NAALADL2: variants seen among roughly 807,000 people sequenced by gnomAD.
The protein encoded by NAALADL2 is inactive N-acetylated-alpha-linked acidic dipeptidase-like protein 2.
A neutral mutation model predicts 87.2 loss-of-function variants in NAALADL2; 76 were observed. The ratio of observed to expected loss-of-function variants is 0.87; its 90% CI spans 0.72 to 1.05. The LOEUF (loss-of-function observed/expected upper bound fraction) is 1.05, where lower values mean the gene tolerates loss of function less well. Ranked by LOEUF, NAALADL2 falls within the 50% of genes least tolerant of loss-of-function variation. NAALADL2 has a pLI of 0.00. For missense variants in NAALADL2, 1,089 were observed against 945.8 expected (o/e 1.15, Z -1.99); for synonymous variants, 354 against 331.0 (o/e 1.07, Z -0.75).
intron 1 of NAALADL2, among the ~76,000 whole-genome samples, chr3:174,511,888 T>A (rs1410235591): frequency 6.6e-6 from 1 of 152,102 alleles, no homozygotes; most frequent in African/African-American, 2.4e-5. Context: ...CACCGAATAA[T>A]GTTATTTCAC....
chr3:174,485,163 A>C (rs1160210080), intron 1 of NAALADL2, among the ~76,000 whole-genome samples: 1 of 152,070 alleles, frequency 6.6e-6, no homozygotes, highest in African/African-American at 2.4e-5. Flanking sequence ...ATAATAAAAA[A>C]TAATATAAAC....
chr3:174,627,189 T>C (rs538903315), intron 2 of NAALADL2, among the ~76,000 whole-genome samples: 38 of 152,286 alleles, frequency 2.5e-4, no homozygotes, highest in South Asian at 1.9e-3. Context: ...GAATAAATTA[T>C]TTCAAGAAAG....
At chr3:175,011,660 T>C (rs551089285) in intron 1 of NAALADL2, among the ~76,000 whole-genome samples, 3 of 152,110 alleles carry the variant, frequency 2.0e-5, no homozygotes, top group African/African-American at 7.2e-5. Context: ...CTTTTTGAGG[T>C]CTGAGTTGGC....
At chr3:174,936,446 T>C (rs1277518800) in intron 1 of NAALADL2, among the ~76,000 whole-genome samples, 1 of 152,104 alleles carries the variant, frequency 6.6e-6, no homozygotes, top group African/African-American at 2.4e-5. Flanking sequence ...ATAATACAGT[T>C]AATTTTTGAA....
chr3:174,798,340 G>A (rs1176925266), intron 3 of NAALADL2, among the ~76,000 whole-genome samples: 14 of 152,208 alleles, frequency 9.2e-5, no homozygotes, highest in African/African-American at 3.1e-4. Flanking sequence ...ATATATTTAT[G>A]GGGTTTGAAA....
chr3:174,592,748 C>G (rs1717507321), intron 2 of NAALADL2, among the ~76,000 whole-genome samples: 1 of 151,964 alleles, frequency 6.6e-6, no homozygotes, highest in South Asian at 2.1e-4. Context: ...TAACAATGCC[C>G]CTACAACAAT....
intron 10 of NAALADL2, among the ~76,000 whole-genome samples, chr3:175,619,758 G>T (rs562938844): frequency 2.6e-5 from 4 of 152,196 alleles, no homozygotes; most frequent in Admixed American, 2.0e-4. Context: ...AGGAAAGAAA[G>T]AAAATGTGAT....
chr3:174,497,080 C>T (rs1056647298), intron 1 of NAALADL2, among the ~76,000 whole-genome samples: 4 of 152,062 alleles, frequency 2.6e-5, no homozygotes, highest in African/African-American at 4.8e-5. Flanking sequence ...AGCATTTGCC[C>T]ATCAGTTATT....
rs138460620 is a variant in NAALADL2 at position 175,379,573 on chromosome 3, A to G, written c.1090+55248A>G. ...TTTTAAGATGGAGTCTCACTCTGTC[A>G]CCCAGACTGGAGTGCAGTGGTACAG... On this transcript the variant is annotated intron_variant, in intron 5 of 13. Coordinates refer to ENST00000454872, the MANE Select transcript of NAALADL2 (RefSeq NM_207015.3). Among the ~76,000 whole-genome samples the G allele has an allele frequency of 8.3e-3, 1,251 of 150,016 alleles. 12 individuals are homozygous for G. The highest frequency in any genetic ancestry group is 0.029 in the African/African-American group (1,180 of 40,680).
intron 9 of NAALADL2, among the ~76,000 whole-genome samples, chr3:175,559,467 C>T (rs563003866): frequency 6.6e-6 from 1 of 152,120 alleles, no homozygotes; most frequent in African/African-American, 2.4e-5. Flanking sequence ...CTAGGACTTC[C>T]AGTACTATGT....
chr3:175,737,952 T>C (rs1448101882), intron 12 of NAALADL2, among the ~76,000 whole-genome samples: 1 of 152,016 alleles, frequency 6.6e-6, no homozygotes, highest in East Asian at 1.9e-4. Context: ...TCAGCAGAAT[T>C]CTGACCCCAC....
At chr3:174,806,470 A>G (rs1169413225) in intron 3 of NAALADL2, among the ~76,000 whole-genome samples, 1 of 152,208 alleles carries the variant, frequency 6.6e-6, no homozygotes. Context: ...GAAGAGCCTA[A>G]CAGCTGAAGG....
chr3:174,624,488 G>A (rs1721356826), intron 2 of NAALADL2, among the ~76,000 whole-genome samples: 1 of 152,058 alleles, frequency 6.6e-6, no homozygotes, highest in Admixed American at 6.6e-5. Context: ...GCCAGAAGTG[G>A]TGGTACACAC....
At chr3:175,635,926 C>A (rs980869077) in intron 11 of NAALADL2, among the ~76,000 whole-genome samples, 1 of 151,962 alleles carries the variant, frequency 6.6e-6, no homozygotes, top group Admixed American at 6.6e-5. Flanking sequence ...TTTAAAAGCT[C>A]CAGACAATCC....
At chr3:174,636,919 TAA>T (rs1455835102) in intron 2 of NAALADL2, among the ~76,000 whole-genome samples, 1 of 152,146 alleles carries the variant, frequency 6.6e-6, no homozygotes, top group Non-Finnish European at 1.5e-5. Context: ...GAACTCAACA[TAA>T]GTTTCCAGCA....
chr3:175,059,923 G>A, intron 1 of NAALADL2: 1 of 406,448 alleles, frequency 2.5e-6, no homozygotes, highest in Non-Finnish European at 4.9e-6. Flanking sequence ...TTCAAATACT[G>A]CCACATCTGC....
At chr3:174,542,634 A>G (rs975095860) in intron 1 of NAALADL2, among the ~76,000 whole-genome samples, 1 of 152,178 alleles carries the variant, frequency 6.6e-6, no homozygotes, top group Non-Finnish European at 1.5e-5. Context: ...GGTGCTTTTG[A>G]TAGTCAACCA....
At chr3:175,524,531 T>A (rs1733120995) in intron 9 of NAALADL2, among the ~76,000 whole-genome samples, 1 of 152,154 alleles carries the variant, frequency 6.6e-6, no homozygotes, top group Non-Finnish European at 1.5e-5. Flanking sequence ...AACATCTAAG[T>A]AGTACATGAT....
chr3:174,977,979 A>T (rs1430436251), intron 1 of NAALADL2, among the ~76,000 whole-genome samples: 1 of 152,216 alleles, frequency 6.6e-6, no homozygotes, highest in Non-Finnish European at 1.5e-5. Flanking sequence ...AGGTTCAAAG[A>T]AAGTTTATTT....
Sources: allele counts gnomAD v4.1 joint callset (sites outside exome capture counted in the v4.1 genomes callset), GRCh38; gene constraint gnomAD v4.1.1; transcripts MANE v1.5; gene names NCBI Gene and HGNC (gene_info 2026-07-23, HGNC 2026-07-21).